The following PECR variants were observed in gnomAD, a reference collection of about 807,000 sequenced individuals.
The protein encoded by PECR is peroxisomal trans-2-enoyl-CoA reductase.
PECR carries 30 observed loss-of-function variants against 35.3 expected under a neutral mutation model. The observed-to-expected ratio is 0.85, with a 90% CI of 0.64 to 1.15. PECR has a LOEUF of 1.15. Among genes scored for constraint, PECR ranks in the 50% most tolerant of loss-of-function variants. The pLI is 0.00. For synonymous variants in PECR, 148 were observed against 138.9 expected (o/e 1.07, Z -0.46); for missense variants, 392 against 370.8 (o/e 1.06, Z -0.47).
intron 7 of PECR, among the ~76,000 whole-genome samples, chr2:216,040,355 C>A (rs968593148): frequency 6.6e-6 from 1 of 152,148 alleles, no homozygotes; most frequent in East Asian, 1.9e-4. Context: ...CTCGACTTCC[C>A]GGGCTCCAGT....
At chr2:216,057,791 C>T (rs993234793) in intron 4 of PECR, 1 of 152,138 alleles carries the variant, frequency 6.6e-6, no homozygotes, top group East Asian at 1.9e-4. Context: ...AGCAGAGCAA[C>T]CTCATTTCTA....
chr2:216,035,338 TAC>T (rs1203004960), downstream of PECR, among the ~76,000 whole-genome samples: 1 of 152,156 alleles, frequency 6.6e-6, no homozygotes, highest in African/African-American at 2.4e-5. Flanking sequence ...CACTTCTCTG[TAC>T]AGTTTTCCCC....
At chr2:216,073,566 C>G (rs901771184) in intron 1 of PECR, among the ~76,000 whole-genome samples, 6 of 152,062 alleles carry the variant, frequency 3.9e-5, no homozygotes, top group Non-Finnish European at 7.4e-5. Flanking sequence ...GTGCTCTATA[C>G]AGGTGTACCA....
chr2:216,029,712 T>C (rs762420596), intron 7 of PECR, among the ~76,000 whole-genome samples: 1 of 152,226 alleles, frequency 6.6e-6, no homozygotes, highest in Non-Finnish European at 1.5e-5. Flanking sequence ...ACTCCCAGCA[T>C]GGCTGAAAAT....
At chr2:216,044,853 T>G (rs1433099893) in intron 6 of PECR, among the ~76,000 whole-genome samples, 1 of 152,152 alleles carries the variant, frequency 6.6e-6, no homozygotes, top group Non-Finnish European at 1.5e-5. Flanking sequence ...CACTTGAGGC[T>G]GTGGGAAGAA....
In PECR at chr2:216,065,553, C is replaced by A. The variant is rs554875842; in HGVS notation, c.259-76G>T. The A allele has an allele frequency of 3.1e-5, 27 of 876,000 alleles. No individual in the cohort carries two copies. The South Asian group carries it at 3.4e-4, about 11-fold the overall frequency. The allele number at this position is 876,000 out of a possible 1,614,324, so 54.3% of individuals were successfully genotyped here. ...TTGCTACCTCGCCTGATTGATTGCT[C>A]TAGACAGAGTTTGCAATCTCTCACA... On this transcript the variant is annotated intron_variant, in intron 2 of 7. Transcript: ENST00000265322.
rs1473248845 is a variant in PECR, at chr2:216,031,691, G to GAAAGAAAGAGAA, written c.*440+7499_*440+7500insTTCTCTTTCTTT. On this transcript the variant is annotated intron_variant and NMD_transcript_variant, in intron 7 of 7. Transcript: ENST00000442122. ...AGAAAGAAAGAAAGAAAGAAAGAAAGAGAAAGAAAGAAAGAAAGAAAGGGA... is the reference window on the plus strand; with the variant it reads ...AGAAAGAAAGAAAGAAAGAAAGAAAGAAAGAAAGAGAAAGAAAGAAAGAAAGAAAGAAAGGGA... Among the ~76,000 whole-genome samples, 14 of 61,162 alleles carry GAAAGAAAGAGAA rather than the reference G, an allele frequency of 2.3e-4. No homozygotes were observed. The South Asian group carries it at 4.4e-3, about 19-fold the overall frequency. The allele number at this position is 61,162 out of a possible 152,430, so 40.1% of individuals were successfully genotyped here.
intron 6 of PECR, among the ~76,000 whole-genome samples, chr2:216,046,743 A>C (rs1695004942): frequency 6.6e-6 from 1 of 152,226 alleles, no homozygotes; most frequent in South Asian, 2.1e-4. Flanking sequence ...GTTTGATTTA[A>C]CAGTATCTTC....
intron 1 of PECR, among the ~76,000 whole-genome samples, chr2:216,068,571 C>G (rs544952034): frequency 3.4e-4 from 52 of 152,036 alleles, no homozygotes; most frequent in Non-Finnish European, 6.6e-4. Context: ...GGAAGTCCTT[C>G]AAGTAGAAGG....
chr2:216,075,979 T>C (rs1192731187), intron 1 of PECR, among the ~76,000 whole-genome samples: 1 of 152,226 alleles, frequency 6.6e-6, no homozygotes, highest in East Asian at 1.9e-4. Context: ...AACTTGACGA[T>C]GCTAGGTTTT....
At chr2:216,069,299 G>T (rs1695538738) in intron 1 of PECR, among the ~76,000 whole-genome samples, 1 of 152,156 alleles carries the variant, frequency 6.6e-6, no homozygotes, top group African/African-American at 2.4e-5. Context: ...CTCTTCTTCA[G>T]TTCAGAAGAG....
chr2:216,040,646 A>C (rs1034153937), intron 7 of PECR, among the ~76,000 whole-genome samples: 2 of 152,192 alleles, frequency 1.3e-5, no homozygotes, highest in African/African-American at 4.8e-5. Context: ...AGGCAGGCGG[A>C]TCACCTGAGG....
chr2:216,057,044 G>T (rs901218764), intron 4 of PECR, among the ~76,000 whole-genome samples: 2 of 152,008 alleles, frequency 1.3e-5, no homozygotes, highest in African/African-American at 2.4e-5. Context: ...TTTAAGAAAA[G>T]AAACTCTCAT....
At position 216,043,032 on chromosome 2, in the gene PECR, T is replaced by TATATATATACACACATAC. The variant is rs1559207797; in HGVS notation, c.826+871_826+872insGTATGTGTGTATATATAT. Among the ~76,000 whole-genome samples, 11 of 127,916 alleles carry TATATATATACACACATAC rather than the reference T, an allele frequency of 8.6e-5. 1 individual carries two copies. Among genetic ancestry groups the TATATATATACACACATAC allele is most frequent in the Non-Finnish European group, 6.7e-5 (4 of 59,502 alleles). 83.9% of individuals were successfully genotyped at this position (127,916 alleles called of 152,430 possible). A position where few individuals can be genotyped will look rare whatever the true frequency, so the allele number is the denominator to read the frequency against. ...ATATATATATACACATACGTATATA[T>TATATATATACACACATAC]GTATGTGTATATATATATACACATA... On this transcript the variant is annotated intron_variant, in intron 7 of 7. Coordinates refer to ENST00000265322, the MANE Select transcript of PECR (RefSeq NM_018441.6).
At chr2:216,056,527 C>T (rs1175870344) in intron 4 of PECR, among the ~76,000 whole-genome samples, 1 of 151,816 alleles carries the variant, frequency 6.6e-6, no homozygotes, top group Non-Finnish European at 1.5e-5. Context: ...TCGAGACCAG[C>T]CTGACCAACA....
At chr2:216,036,794 A>G (rs562399671), downstream of PECR, among the ~76,000 whole-genome samples, 3 of 152,140 alleles carry the variant, frequency 2.0e-5, no homozygotes, top group African/African-American at 7.2e-5. Context: ...TGCAAATCTC[A>G]TTATGTCTGG....
At position 216,065,357 on chromosome 2, in the gene PECR, C is replaced by T. The variant is rs1245350453; in HGVS notation, c.379G>A (p.Val127Met). 6.2e-7 allele frequency: 1 copy of T among 1,612,150 alleles called. No individual in the cohort carries two copies. Among genetic ancestry groups the T allele is most frequent in the Non-Finnish European group, 8.5e-7 (1 of 1,178,282 alleles). ...GTACCCGTCAGGTTGGTCTCAAGCACAGCGTGCCATCCCTTAGAACTGATG... is the reference window on the plus strand; with the variant it reads ...GTACCCGTCAGGTTGGTCTCAAGCATAGCGTGCCATCCCTTAGAACTGATG... ...EHISSKGWHA[V>M]LETNLTGTFY... Residue 127 changes from valine (V) to methionine (M), a missense_variant, in exon 3 of 8, where the codon GTG (valine) becomes ATG (methionine). Val to Met is a conservative substitution (Grantham distance 21). Transcript: ENST00000265322.
At chr2:216,063,210 A>G (rs1048406026) in intron 3 of PECR, among the ~76,000 whole-genome samples, 1 of 152,190 alleles carries the variant, frequency 6.6e-6, no homozygotes, top group Non-Finnish European at 1.5e-5. Context: ...TTTTATGTCA[A>G]TATTTTTAAG....
downstream of PECR, chr2:216,034,162 C>T (rs1486874216): frequency 6.6e-6 from 1 of 152,202 alleles, no homozygotes; most frequent in Admixed American, 6.5e-5. Flanking sequence ...CCAAAACTAA[C>T]CACAAGGTGG....
Sources: gnomAD v4.1 joint callset for allele counts (sites outside exome capture counted in the v4.1 genomes callset) on GRCh38, gnomAD v4.1.1 for gene constraint, MANE v1.5 for transcripts, NCBI Gene and HGNC (gene_info 2026-07-23, HGNC 2026-07-21) for gene names.